The following SPINDOC variants were observed in gnomAD, a reference collection of about 807,000 sequenced individuals.
SPINDOC encodes spindlin interactor and repressor of chromatin binding.
A neutral mutation model predicts 30.7 loss-of-function variants in SPINDOC; 13 were observed. The observed-to-expected ratio is 0.42, with a 90% CI of 0.28 to 0.67. The LOEUF is 0.67. Ranked by LOEUF, SPINDOC falls within the 30% of genes least tolerant of loss-of-function variation. The pLI, the probability that SPINDOC is intolerant of heterozygous loss-of-function variation, is 0.22. For missense variants in SPINDOC, 438 were observed against 518.0 expected (o/e 0.85, Z 1.50); for synonymous variants, 228 against 211.4 (o/e 1.08, Z -0.68).
chr11:63,822,377 AAAAG>A (rs2015547085), intron 5 of SPINDOC, among the ~76,000 whole-genome samples: 1 of 147,440 alleles, frequency 6.8e-6, no homozygotes, highest in Non-Finnish European at 1.5e-5. Context: ...AAAAAAAAAA[AAAAG>A]AAACAAAGAA....
chr11:63,814,775 C>G (rs1418647530), intron 1 of SPINDOC, among the ~76,000 whole-genome samples: 2 of 152,132 alleles, frequency 1.3e-5, no homozygotes, highest in African/African-American at 4.8e-5. Context: ...AGGTCACCTC[C>G]CTTCTCGGAG....
rs1318105387 is a variant in SPINDOC, at chr11:63,813,776, G to A, written c.90G>A (p.Val30=). Residue 30 remains valine, a synonymous_variant, in exon 1 of 6, where the codon GTG becomes GTA. Coordinates refer to ENST00000294244, the MANE Select transcript of SPINDOC (RefSeq NM_138471.3). The stretch of plus-strand genomic sequence containing the variant: ...GGGAGGACGAGGAGGAGGCCATGGT[G>A]GTGGCCGTAATTCCGCGGCCCGAGC... ...EEGEDEEEAM[V]VAVIPRPEPM... 7 of 1,591,062 alleles carry A rather than the reference G, an allele frequency of 4.4e-6. No homozygotes were observed. Among genetic ancestry groups the A allele is most frequent in the Non-Finnish European group, 5.1e-6 (6 of 1,169,716 alleles).
At chr11:63,824,431 C>T (rs2015603057) in intron 5 of SPINDOC, among the ~76,000 whole-genome samples, 1 of 152,178 alleles carries the variant, frequency 6.6e-6, no homozygotes, top group African/African-American at 2.4e-5. Context: ...TAAGGGCCTG[C>T]AGGTTAGGGT....
At chr11:63,826,779 C>T (rs900952985) in intron 5 of SPINDOC, 149 bp from the exon 6 acceptor site, 9 of 614,054 alleles carry the variant, frequency 1.5e-5, no homozygotes, top group Admixed American at 2.7e-5. Flanking sequence ...TCCCTGCCAT[C>T]CTTGGGCTTC....
intron 5 of SPINDOC, among the ~76,000 whole-genome samples, chr11:63,825,936 G>A (rs1470254950): frequency 1.3e-5 from 2 of 151,148 alleles, no homozygotes; most frequent in Admixed American, 1.3e-4. Flanking sequence ...GCCTTTCAAT[G>A]TAATGTAACT....
intron 1 of SPINDOC, among the ~76,000 whole-genome samples, chr11:63,815,022 C>T (rs554301178): frequency 1.3e-5 from 2 of 152,182 alleles, no homozygotes; most frequent in South Asian, 2.1e-4. Flanking sequence ...ACAGAGCAAC[C>T]GAAACCCTGC....
In SPINDOC at chr11:63,818,464, C is replaced by T; in HGVS notation, c.608-63C>T. On this transcript the variant is annotated intron_variant, in intron 3 of 5. Transcript: ENST00000294244. The surrounding 1 kb of genome is among the most constrained non-coding windows in gnomAD (Gnocchi z 5.3). ...GTTCTGGGCAGGTATCTTCAGGAGCCCTGGGGTGGCAGGGTTCGGGGATGG... is the reference window on the plus strand; with the variant it reads ...GTTCTGGGCAGGTATCTTCAGGAGCTCTGGGGTGGCAGGGTTCGGGGATGG... 6.2e-7 allele frequency: 1 copy of T among 1,603,942 alleles called. No individual in the cohort carries two copies. The highest frequency in any genetic ancestry group is 1.1e-5 in the South Asian group (1 of 90,682).
In SPINDOC at chr11:63,827,640, A is replaced by G; in HGVS notation, c.*501A>G. The G allele has an allele frequency of 5.9e-6, 1 of 168,142 alleles. No individual in the cohort carries two copies. Among genetic ancestry groups the G allele is most frequent in the Non-Finnish European group, 1.3e-5 (1 of 76,730 alleles). 10.4% of individuals were successfully genotyped at this position (168,142 alleles called of 1,614,324 possible). Reference sequence around the variant, plus strand: ...GAAGCTGGGCCTGGGCACCCCATTCACTCCCGTTCTCATTTACATCTGTTT... The same window carrying G: ...GAAGCTGGGCCTGGGCACCCCATTCGCTCCCGTTCTCATTTACATCTGTTT... On this transcript the variant is annotated 3_prime_UTR_variant, in exon 6 of 6. Coordinates refer to ENST00000294244, the MANE Select transcript of SPINDOC (RefSeq NM_138471.3).
In SPINDOC at chr11:63,818,991, G is replaced by T. The variant is rs1487035722; in HGVS notation, c.923G>T (p.Ser308Ile). 5.6e-6 allele frequency: 9 copies of T among 1,613,470 alleles called. No homozygotes were observed. Among genetic ancestry groups the T allele is most frequent in the Admixed American group, 1.7e-5 (1 of 59,962 alleles). ...GAAGGAGGCCTTCCCCGGGCGGAGA[G>T]CCCCTCTCCAGGTGAGCCCTCCTGA... ...VAEGGLPRAE[S>I]PSPAPPPGLR... Residue 308 changes from serine (S) to isoleucine (I), a missense_variant, in exon 5 of 6, where the codon AGC (serine) becomes ATC (isoleucine). Physicochemically the swap from Ser to Ile is moderately radical, Grantham distance 142. Transcript: ENST00000294244. This position sits in a 1 kb window ranked among gnomAD's most constrained non-coding sequence, Gnocchi z 5.3.
At chr11:63,816,207 C>T (rs1339395354) in intron 1 of SPINDOC, among the ~76,000 whole-genome samples, 4 of 152,132 alleles carry the variant, frequency 2.6e-5, no homozygotes, top group Middle Eastern at 3.4e-3. Context: ...TCTTCAGCAA[C>T]AAGCCAGAGG....
At chr11:63,825,801 A>G (rs2015642036) in intron 5 of SPINDOC, among the ~76,000 whole-genome samples, 1 of 152,170 alleles carries the variant, frequency 6.6e-6, no homozygotes, top group Non-Finnish European at 1.5e-5. Flanking sequence ...GCAAAATTGT[A>G]CCTGTTTTCT....
At position 63,818,589 on chromosome 11, in the gene SPINDOC, G is replaced by C; in HGVS notation, c.670G>C (p.Gly224Arg). 6.2e-7 allele frequency: 1 copy of C among 1,613,762 alleles called. No individual in the cohort carries two copies. Among genetic ancestry groups the C allele is most frequent in the Non-Finnish European group, 8.5e-7 (1 of 1,180,026 alleles). ...PRGQRWKEPP[G>R]EEPVRKKRGR... ...TGGTCAGAGATGGAAGGAACCCCCA[G>C]GGGAAGAGCCAGTCAGAAAGAAAAG... Residue 224 changes from glycine to arginine, a missense_variant, in exon 4 of 6, where the codon GGG (glycine) becomes CGG (arginine). Physicochemically the swap from Gly to Arg is moderately radical, Grantham distance 125. Around this residue, in one of 3 missense-constraint regions of SPINDOC, gnomAD observed 300 missense variants for 332.8 expected, o/e 0.90. Coordinates refer to ENST00000294244, the MANE Select transcript of SPINDOC (RefSeq NM_138471.3). The surrounding 1 kb of genome is among the most constrained non-coding windows in gnomAD (Gnocchi z 5.3).
chr11:63,813,759 G>A lies in SPINDOC; in HGVS notation c.73G>A (p.Glu25Lys), dbSNP rs757354424. 4 of 1,592,922 alleles carry A rather than the reference G, an allele frequency of 2.5e-6. No individual in the cohort carries two copies. Among genetic ancestry groups the A allele is most frequent in the African/African-American group, 1.4e-5 (1 of 72,894 alleles). The change falls in exon 1 of 6, where the codon GAG becomes AAG. Residue 25 changes from glutamate (E) to lysine (K), a missense_variant. Glu to Lys is a moderately conservative substitution (Grantham distance 56, BLOSUM62 1). Transcript: ENST00000294244. ...VTLKCEEGED[E>K]EEAMVVAVIP... ...GCTGAAATGCGAGGAAGGGGAGGAC[G>A]AGGAGGAGGCCATGGTGGTGGCCGT...
chr11:63,825,315 C>A (rs184022744), intron 5 of SPINDOC, among the ~76,000 whole-genome samples: 5 of 152,174 alleles, frequency 3.3e-5, no homozygotes, highest in Admixed American at 2.0e-4. Flanking sequence ...CGTGCTCCAC[C>A]AGGGCATCCA....
At chr11:63,817,685 A>G in intron 1 of SPINDOC, 120 bp from the exon 2 acceptor site, 1 of 905,608 alleles carries the variant, frequency 1.1e-6, no homozygotes, top group Non-Finnish European at 1.7e-6. Context: ...GAAGAAGAAC[A>G]CTTTGGCCAG....
rs369687358 is a variant in SPINDOC, at chr11:63,817,801, G to A, written c.128-4G>A. On this transcript the variant is annotated splice_region_variant and splice_polypyrimidine_tract_variant and intron_variant, in intron 1 of 5. Transcript: ENST00000294244. The stretch of plus-strand genomic sequence containing the variant: ...GATAACACCCTCCCCCTCTCCCCTC[G>A]CAGTGACCCAACAGGAGAAGACCCC... 4.2e-5 allele frequency: 65 copies of A among 1,564,248 alleles called. No homozygotes were observed. The highest frequency in any genetic ancestry group is 1.1e-4 in the South Asian group (9 of 85,286).
At chr11:63,821,350 A>G (rs2015516438) in intron 5 of SPINDOC, among the ~76,000 whole-genome samples, 1 of 152,166 alleles carries the variant, frequency 6.6e-6, no homozygotes, top group South Asian at 2.1e-4. Flanking sequence ...ATATTGGGCT[A>G]CTCAGTCCAG....
chr11:63,822,583 AG>A (rs1287166451), intron 5 of SPINDOC: 1 of 1,288,126 alleles, frequency 7.8e-7, no homozygotes, highest in Non-Finnish European at 1.0e-6. Flanking sequence ...TCTGATCTCG[AG>A]GCAGGCCTCA....
At chr11:63,825,942 TA>T (rs1044422895) in intron 5 of SPINDOC, among the ~76,000 whole-genome samples, 13 of 150,448 alleles carry the variant, frequency 8.6e-5, no homozygotes, top group African/African-American at 2.8e-4. Flanking sequence ...CAATGTAATG[TA>T]ACTTTTTTTT....
Sources: gnomAD v4.1 joint callset for allele counts (sites outside exome capture counted in the v4.1 genomes callset) on GRCh38, gnomAD v4.1.1 for gene constraint, gnomAD v4.1.1 regional missense constraint, Gnocchi (gnomAD v3.1) non-coding constraint, MANE v1.5 for transcripts, NCBI Gene and HGNC (gene_info 2026-07-23, HGNC 2026-07-21) for gene names.